Variants in SHANK1 observed in about 807,000 individuals in gnomAD.
SHANK1 encodes the protein SH3 and multiple ankyrin repeat domains 1.
In SHANK1, 35 loss-of-function variants were observed where a neutral mutation model predicts 165.6. The ratio of observed to expected loss-of-function variants is 0.21; its 90% CI spans 0.16 to 0.28. The LOEUF is 0.28. Ranked by LOEUF, SHANK1 falls within the 10% of genes least tolerant of loss-of-function variation. SHANK1 has a pLI of 1.00. For synonymous variants in SHANK1, 1,428 were observed against 1,384.8 expected (o/e 1.03, Z -0.69); for missense variants, 2,681 against 3,036.4 (o/e 0.88, Z 2.75).
chr19:50,695,002 C>A (rs1478303601), intron 15 of SHANK1, among the ~76,000 whole-genome samples: 1 of 149,302 alleles, frequency 6.7e-6, no homozygotes, highest in Non-Finnish European at 1.5e-5. Flanking sequence ...ACCGGGGCCG[C>A]CCCCGAGACC....
At chr19:50,679,575 C>A (rs1986106526) in intron 21 of SHANK1, among the ~76,000 whole-genome samples, 1 of 152,178 alleles carries the variant, frequency 6.6e-6, no homozygotes, top group Admixed American at 6.5e-5. Context: ...ACGTCACTGG[C>A]TGCCGGGCAG....
chr19:50,697,931 G>A lies in SHANK1; in HGVS notation c.1773C>T (p.Phe591=). The change falls in exon 13 of 24, where the codon TTC becomes TTT. Residue 591 remains phenylalanine (F), a synonymous_variant. Transcript: ENST00000293441. The surrounding 1 kb of genome is among the most constrained non-coding windows in gnomAD (Gnocchi z 4.7). Reference sequence around the variant, plus strand: ...CACGACCTTTGACCTGGCCTTCCCAGAAGCCTCCTTCCCCGATGCTAAGTA... The same window carrying A: ...CACGACCTTTGACCTGGCCTTCCCAAAAGCCTCCTTCCCCGATGCTAAGTA... ...IKVLSIGEGG[F]WEGQVKGRVG... 1 of 1,613,994 alleles carries A rather than the reference G, an allele frequency of 6.2e-7. No individual in the cohort carries two copies. The highest frequency in any genetic ancestry group is 1.1e-5 in the South Asian group (1 of 91,072).
At chr19:50,708,989 C>T (rs1444454906) in intron 8 of SHANK1, among the ~76,000 whole-genome samples, 1 of 152,174 alleles carries the variant, frequency 6.6e-6, no homozygotes, top group Admixed American at 6.5e-5. Flanking sequence ...TCAGACTCAG[C>T]CCTGGCTCTT....
rs958885936 is a variant in SHANK1 at position 50,665,936 on chromosome 19, G to A, written c.5768+256C>T. On this transcript the variant is annotated intron_variant, in intron 23 of 23. Transcript: ENST00000293441. ...TGAGGCAGGAGAATCGCTTGAACCC[G>A]GGAGGCAGAGGTTGTGGTGAGCCGA... Among the ~76,000 whole-genome samples, 119 of 149,834 alleles carry A rather than the reference G, an allele frequency of 7.9e-4. 2 individuals carry two copies. Among genetic ancestry groups the A allele is most frequent in the African/African-American group, 2.6e-3 (104 of 40,208 alleles).
At chr19:50,704,010 T>C (rs2088905048) in intron 10 of SHANK1, 110 bp downstream of exon 10, 2 of 1,180,354 alleles carry the variant, frequency 1.7e-6, no homozygotes, top group Non-Finnish European at 2.5e-6. Context: ...CCTCTAGGGT[T>C]TTCTCCATCC....
At position 50,716,898 on chromosome 19, in the gene SHANK1, T is replaced by A; in HGVS notation, c.22A>T (p.Ser8Cys). 6.9e-7 allele frequency: 1 copy of A among 1,452,534 alleles called. No homozygotes were observed. The allele number at this position is 1,452,534 out of a possible 1,614,324, so 90.0% of individuals were successfully genotyped here. The change falls in exon 2 of 24, where the codon AGC becomes TGC. Residue 8 changes from serine (S) to cysteine (C), a missense_variant. Around this residue, in one of 10 missense-constraint regions of SHANK1, gnomAD observed 118 missense variants for 106.9 expected, o/e 1.10. Transcript: ENST00000293441. The surrounding 1 kb of genome is among the most constrained non-coding windows in gnomAD (Gnocchi z 8.4). The stretch of plus-strand genomic sequence containing the variant: ...GCACTGTGGCGTTCCTCGTCCTCGC[T>A]TGTCGCGGGGCTGTGGGTCATTGTG... MTHSPAT[S>C]EDEERHSASE...
chr19:50,662,787 C>A lies in SHANK1; in HGVS notation c.5769-105G>T. ...AGATATAGGGAGAGAGGAGGAGAGA[C>A]ATAAGGGTAGGGGGAGAGACGGAGG... On this transcript the variant is annotated intron_variant, in intron 23 of 23. Coordinates refer to ENST00000293441, the MANE Select transcript of SHANK1 (RefSeq NM_016148.5). This position sits in a 1 kb window ranked among gnomAD's most constrained non-coding sequence, Gnocchi z 7.7. 4 of 1,236,352 alleles carry A rather than the reference C, an allele frequency of 3.2e-6. No homozygotes were observed. Among genetic ancestry groups the A allele is most frequent in the Non-Finnish European group, 4.6e-6 (4 of 878,844 alleles). 76.6% of individuals were successfully genotyped at this position (1,236,352 alleles called of 1,614,324 possible). A position where few individuals can be genotyped will look rare whatever the true frequency, so the allele number is the denominator to read the frequency against.
At position 50,669,217 on chromosome 19, in the gene SHANK1, G is replaced by A; in HGVS notation, c.2743C>T (p.Pro915Ser). ...AMKFSRSLSV[P>S]GSEDIPPPPT... ...GGCGGGGGAATGTCCTCCGAACCAG[G>A]CACAGACAGGCTGCGGCTGAATTTC... The change falls in exon 23 of 24, where the codon CCT becomes TCT. Residue 915 changes from proline to serine, a missense_variant. Around this residue, in one of 10 missense-constraint regions of SHANK1, gnomAD observed 206 missense variants for 216.0 expected, o/e 0.95. Coordinates refer to ENST00000293441, the MANE Select transcript of SHANK1 (RefSeq NM_016148.5). The A allele has an allele frequency of 3.7e-6, 6 of 1,611,734 alleles. No homozygotes were observed. Among genetic ancestry groups the A allele is most frequent in the Non-Finnish European group, 5.1e-6 (6 of 1,179,028 alleles).
At chr19:50,671,710 TC>T (rs1985800147) in intron 22 of SHANK1, among the ~76,000 whole-genome samples, 1 of 151,962 alleles carries the variant, frequency 6.6e-6, no homozygotes, top group African/African-American at 2.4e-5. Flanking sequence ...ATGGATGGAA[TC>T]GGGTATAAGA....
intron 8 of SHANK1, among the ~76,000 whole-genome samples, chr19:50,709,678 C>T (rs369449243): frequency 1.8e-4 from 27 of 152,210 alleles, no homozygotes; most frequent in Admixed American, 5.2e-4. Context: ...GCTGCCCGAG[C>T]AGCTGGGACT....
At position 50,660,208 on chromosome 19, in the gene SHANK1, A is replaced by G. The variant is rs1208229264; in HGVS notation, c.*1757T>C. On this transcript the variant is annotated 3_prime_UTR_variant, in exon 24 of 24. Transcript: ENST00000293441. ...GGGGAGGGGTGGCTTAACATTCCCAAGCCCCGGGAATAAGCGGAGAGAGGA... is the reference window on the plus strand; with the variant it reads ...GGGGAGGGGTGGCTTAACATTCCCAGGCCCCGGGAATAAGCGGAGAGAGGA... Among the ~76,000 whole-genome samples, 2 of 87,794 alleles carry G rather than the reference A, an allele frequency of 2.3e-5. No individual in the cohort carries two copies. Among genetic ancestry groups the G allele is most frequent in the Non-Finnish European group, 6.5e-5 (2 of 30,730 alleles). The allele number at this position is 87,794 out of a possible 152,430, so 57.6% of individuals were successfully genotyped here.
At chr19:50,689,999 A>G (rs1363230239) in intron 15 of SHANK1, among the ~76,000 whole-genome samples, 2 of 152,176 alleles carry the variant, frequency 1.3e-5, no homozygotes, top group African/African-American at 4.8e-5. Flanking sequence ...GAAAAATTCA[A>G]TTCCTCAGTC....
At chr19:50,682,432 C>G (rs1007731339) in intron 21 of SHANK1, among the ~76,000 whole-genome samples, 18 of 152,146 alleles carry the variant, frequency 1.2e-4, no homozygotes, top group African/African-American at 2.9e-4. Context: ...TCATGGAACC[C>G]TCATAAGAAC....
Position 50,668,555 on chromosome 19 carries a change from C to T in SHANK1, c.3405G>A (p.Pro1135=). The T allele has an allele frequency of 1.5e-6, 2 of 1,365,464 alleles. No homozygotes were observed. The highest frequency in any genetic ancestry group is 1.9e-6 in the Non-Finnish European group (2 of 1,058,652). The allele number at this position is 1,365,464 out of a possible 1,614,324, so 84.6% of individuals were successfully genotyped here. A position where few individuals can be genotyped will look rare whatever the true frequency, so the allele number is the denominator to read the frequency against. ...GLPPAPSPTS[P]ASPQPPPAVA... is the part of the protein sequence containing the mutation. ...CGGCGGGCGGCGGCTGCGGGGAGGCCGGGGACGTGGGCGACGGCGCGGGCG... is the reference window on the plus strand; with the variant it reads ...CGGCGGGCGGCGGCTGCGGGGAGGCTGGGGACGTGGGCGACGGCGCGGGCG... Residue 1135 remains proline, a synonymous_variant, in exon 23 of 24, where the codon CCG becomes CCA. Transcript: ENST00000293441.
In SHANK1 at chr19:50,662,265, G is replaced by A. The variant is rs547176731; in HGVS notation, c.6186C>T (p.Ser2062=). ...PVFVPPHPGI[S]GGLGGALSGA... is the part of the protein sequence containing the mutation. ...CTGACAAGGCTCCCCCGAGCCCCCC[G>A]GATATCCCCGGGTGTGGCGGCACAA... Residue 2062 remains serine, a synonymous_variant, in exon 24 of 24, where the codon TCC becomes TCT. Coordinates refer to ENST00000293441, the MANE Select transcript of SHANK1 (RefSeq NM_016148.5). This position sits in a 1 kb window ranked among gnomAD's most constrained non-coding sequence, Gnocchi z 7.7. The A allele has an allele frequency of 2.6e-5, 42 of 1,611,346 alleles. No homozygotes were observed. The highest frequency in any genetic ancestry group is 3.3e-4 in the Middle Eastern group (2 of 6,056).
At chr19:50,683,874 G>C (rs1986251204) in intron 21 of SHANK1, among the ~76,000 whole-genome samples, 1 of 152,188 alleles carries the variant, frequency 6.6e-6, no homozygotes, top group Admixed American at 6.5e-5. Flanking sequence ...GGAATCATGA[G>C]GGCCAACTGT....
In SHANK1 at chr19:50,669,206, C is replaced by T; in HGVS notation, c.2754G>A (p.Glu918=). ...ACGTGGTGGGTGGCGGGGGAATGTCCTCCGAACCAGGCACAGACAGGCTGC... is the reference window on the plus strand; with the variant it reads ...ACGTGGTGGGTGGCGGGGGAATGTCTTCCGAACCAGGCACAGACAGGCTGC... ...FSRSLSVPGS[E]DIPPPPTTSP... is the part of the protein sequence containing the mutation. Residue 918 remains glutamate (E), a synonymous_variant, in exon 23 of 24, where the codon GAG becomes GAA. Transcript: ENST00000293441. The T allele has an allele frequency of 1.2e-6, 2 of 1,610,770 alleles. No homozygotes were observed. The highest frequency in any genetic ancestry group is 1.7e-6 in the Non-Finnish European group (2 of 1,178,632).
intron 21 of SHANK1, among the ~76,000 whole-genome samples, chr19:50,680,675 A>G (rs1986150274): frequency 1.5e-5 from 2 of 131,920 alleles, no homozygotes; most frequent in African/African-American, 3.5e-5. Flanking sequence ...TTTTTCCCCG[A>G]GACAGAATCG....
In SHANK1 at chr19:50,717,821, G is replaced by A. The variant is rs1168322318; in HGVS notation, c.-43-859C>T. 6.6e-6 allele frequency among the ~76,000 whole-genome samples: 1 copy of A among 152,012 alleles called. No homozygotes were observed. The highest frequency in any genetic ancestry group is 1.9e-4 in the East Asian group (1 of 5,176). ...GGTGGGCTGGCTTGCTGGGTACTAG[G>A]GGCTCCACTCTGAGGACTGGGGGTG... On this transcript the variant is annotated intron_variant, in intron 1 of 23. Coordinates refer to ENST00000293441, the MANE Select transcript of SHANK1 (RefSeq NM_016148.5). The surrounding 1 kb of genome is among the most constrained non-coding windows in gnomAD (Gnocchi z 5.5).
Sources: allele counts gnomAD v4.1 joint callset (sites outside exome capture counted in the v4.1 genomes callset), GRCh38; gene constraint gnomAD v4.1.1; regional missense constraint gnomAD v4.1.1; non-coding constraint Gnocchi (gnomAD v3.1); transcripts MANE v1.5; gene names NCBI Gene and HGNC (gene_info 2026-07-23, HGNC 2026-07-21).